Variants in MRPL34 observed in about 807,000 individuals in gnomAD.
MRPL34 encodes large ribosomal subunit protein bL34m.
In MRPL34, 8 loss-of-function variants were observed where a neutral mutation model predicts 6.7. The observed-to-expected ratio is 1.20, with a 90% CI of 0.70 to 2.16. The LOEUF is 2.16. Ranked by LOEUF, MRPL34 falls within the 30% of genes most tolerant of loss-of-function variation. The pLI is 0.00. For missense variants in MRPL34, 146 were observed against 125.5 expected, an observed-to-expected ratio of 1.16 and a Z score of -0.78; for synonymous variants, 59 against 55.1, an observed-to-expected ratio of 1.07 and a Z score of -0.31.
intron 1 of MRPL34, among the ~76,000 whole-genome samples, chr19:17,294,049 C>A (rs2074082336): frequency 6.6e-6 from 1 of 152,128 alleles, no homozygotes; most frequent in Non-Finnish European, 1.5e-5. Context: ...TAATTGCTAA[C>A]ACCTGTCCAG....
At chr19:17,293,510 T>A (rs1417070112) in intron 1 of MRPL34, among the ~76,000 whole-genome samples, 1 of 151,776 alleles carries the variant, frequency 6.6e-6, no homozygotes, top group African/African-American at 2.4e-5. Context: ...GGGGCTGCTA[T>A]CCTGTGCATT....
rs377747440 is a variant in MRPL34 at position 17,305,879 on chromosome 19, G to A, written c.-14G>A. Reference sequence around the variant, plus strand: ...GAATCGCCCGCAGCCGGTACTGCGGGACCCACTGCGGATATGGCTGTCTTG... The same window carrying A: ...GAATCGCCCGCAGCCGGTACTGCGGAACCCACTGCGGATATGGCTGTCTTG... On this transcript the variant is annotated 5_prime_UTR_variant, in exon 1 of 2. Transcript: ENST00000252602. 1.1e-5 allele frequency: 17 copies of A among 1,613,894 alleles called. No individual in the cohort carries two copies. Among genetic ancestry groups the A allele is most frequent in the East Asian group, 6.7e-5 (3 of 44,864 alleles).
chr19:17,299,338 A>G (rs369202388), upstream of MRPL34, among the ~76,000 whole-genome samples: 5 of 150,628 alleles, frequency 3.3e-5, no homozygotes, highest in East Asian at 3.9e-4. Flanking sequence ...GAGGAGGGCG[A>G]ATCACGAGGT....
upstream of MRPL34, chr19:17,305,764 G>GT (rs1474407515): frequency 2.9e-5 from 28 of 953,612 alleles, no homozygotes; most frequent in Non-Finnish European, 4.2e-5. Flanking sequence ...CAACTTCAGG[G>GT]TTTTCCCCAA....
exon 1 of MRPL34, chr19:17,292,814 G>C (rs2074077085): frequency 6.2e-7 from 1 of 1,612,740 alleles, no homozygotes; most frequent in Non-Finnish European, 8.5e-7. Context: ...TGAGCTTCAG[G>C]AATGCCAGGA....
chr19:17,299,081 T>C (rs560820079), upstream of MRPL34, among the ~76,000 whole-genome samples: 54 of 152,198 alleles, frequency 3.5e-4, no homozygotes, highest in Non-Finnish European at 7.2e-4. Context: ...ACAATATCAG[T>C]GATGACGGAA....
At position 17,305,892 on chromosome 19, in the gene MRPL34, T is replaced by A. The variant is rs145315694; in HGVS notation, c.-1T>A. 1 of 1,614,014 alleles carries A rather than the reference T, an allele frequency of 6.2e-7. No homozygotes were observed. Among genetic ancestry groups the A allele is most frequent in the East Asian group, 2.2e-5 (1 of 44,874 alleles). ...CCGGTACTGCGGGACCCACTGCGGA[T>A]ATGGCTGTCTTGGCTGGATCCCTGT... On this transcript the variant is annotated 5_prime_UTR_variant, in exon 1 of 2. Transcript: ENST00000252602.
At chr19:17,304,192 T>C (rs2074135441), upstream of MRPL34, among the ~76,000 whole-genome samples, 1 of 152,154 alleles carries the variant, frequency 6.6e-6, no homozygotes, top group South Asian at 2.1e-4. Flanking sequence ...GCTGCCATGG[T>C]TCTGAGAAGG....
chr19:17,300,790 T>C, upstream of MRPL34: 2 of 1,508,924 alleles, frequency 1.3e-6, no homozygotes. Context: ...AAACTCAGTA[T>C]TTTGTGACTG....
In MRPL34 at chr19:17,294,616, G is replaced by A. The variant is rs2074085455; in HGVS notation, c.214+1762G>A. 6 of 1,607,178 alleles carry A rather than the reference G, an allele frequency of 3.7e-6. No homozygotes were observed. In the East Asian group the frequency reaches 8.9e-5, roughly 24 times the overall value. ...TACAGTCCCCCCTCCCATCCAACTC[G>A]AGCAGATGCCTGGGTTCGCCAGGGC... On this transcript the variant is annotated intron_variant, in intron 1 of 2. Coordinates refer to the MRPL34 transcript ENST00000595444.
rs2074149499 is a variant in MRPL34, at chr19:17,306,468, G to A, written c.*89G>A. The A allele has an allele frequency of 1.6e-6, 2 of 1,240,584 alleles. No homozygotes were observed. Among genetic ancestry groups the A allele is most frequent in the African/African-American group, 3.0e-5 (2 of 65,732 alleles). 76.8% of individuals were successfully genotyped at this position (1,240,584 alleles called of 1,614,324 possible). On this transcript the variant is annotated 3_prime_UTR_variant, in exon 2 of 2. Transcript: ENST00000252602. Reference sequence around the variant, plus strand: ...CGCTATTTTTGCAGGGAGCTGGGGAGCAGGAACGCCTCGGACCTGAGTGCT... The same window carrying A: ...CGCTATTTTTGCAGGGAGCTGGGGAACAGGAACGCCTCGGACCTGAGTGCT...
upstream of MRPL34, chr19:17,301,569 C>T (rs771916946): frequency 9.4e-6 from 15 of 1,595,050 alleles, no homozygotes; most frequent in South Asian, 4.5e-5. Context: ...CGTTGGGGGG[C>T]GTGCCCAGCA....
At chr19:17,304,345 C>T (rs2074136185), upstream of MRPL34, among the ~76,000 whole-genome samples, 1 of 152,206 alleles carries the variant, frequency 6.6e-6, no homozygotes, top group Non-Finnish European at 1.5e-5. Flanking sequence ...TCCTGAGCCT[C>T]CGTTTATTTC....
At position 17,306,438 on chromosome 19, in the gene MRPL34, C is replaced by A; in HGVS notation, c.*59C>A. 1.4e-6 allele frequency: 2 copies of A among 1,445,944 alleles called. No individual in the cohort carries two copies. The highest frequency in any genetic ancestry group is 1.4e-5 in the South Asian group (1 of 73,188). 89.6% of individuals were successfully genotyped at this position (1,445,944 alleles called of 1,614,324 possible). On this transcript the variant is annotated 3_prime_UTR_variant, in exon 2 of 2. Transcript: ENST00000252602. Reference sequence around the variant, plus strand: ...AGCATCGCCCTCGCCTCGGACCTTGCCTGGCGCTATTTTTGCAGGGAGCTG... The same window carrying A: ...AGCATCGCCCTCGCCTCGGACCTTGACTGGCGCTATTTTTGCAGGGAGCTG...
rs1192392709 is a variant in MRPL34 at position 17,306,167 on chromosome 19, T to A, written c.67T>A (p.Trp23Arg). 1.3e-6 allele frequency: 2 copies of A among 1,522,088 alleles called. No homozygotes were observed. Among genetic ancestry groups the A allele is most frequent in the South Asian group, 1.2e-5 (1 of 80,820 alleles). The allele number at this position is 1,522,088 out of a possible 1,614,324, so 94.3% of individuals were successfully genotyped here. The change falls in exon 2 of 2, where the codon TGG (tryptophan) becomes AGG (arginine). Residue 23 changes from tryptophan to arginine, a missense_variant and splice_region_variant. Coordinates refer to ENST00000252602, the MANE Select transcript of MRPL34 (RefSeq NM_023937.4). ...SRSAALLGGRWLQPRAWLGFP... is the reference protein window; with the variant it reads ...SRSAALLGGRRLQPRAWLGFP... ...CTCGCCGTCCCTCTACCCACGCAGG[T>A]GGCTCCAGCCCCGGGCCTGGCTGGG... is the stretch of plus-strand genomic sequence containing the variant.
At chr19:17,301,396 C>T (rs776950825), upstream of MRPL34, 1 of 1,611,780 alleles carries the variant, frequency 6.2e-7, no homozygotes, top group Non-Finnish European at 8.5e-7. Flanking sequence ...GCGGACCAAG[C>T]CGGAGAGGTC....
At chr19:17,301,810 T>TGTGTGTG (rs1555721124), upstream of MRPL34, among the ~76,000 whole-genome samples, 7 of 119,514 alleles carry the variant, frequency 5.9e-5, no homozygotes, top group African/African-American at 2.7e-4. Context: ...GTGTGTGTGT[T>TGTGTGTG]TTTGAGACAG....
At chr19:17,305,268 A>C (rs1174402379), upstream of MRPL34, among the ~76,000 whole-genome samples, 1 of 138,380 alleles carries the variant, frequency 7.2e-6, no homozygotes, top group African/African-American at 2.7e-5. Context: ...TTTTGGTTCT[A>C]ACAACAGAGG....
At chr19:17,301,810 T>G (rs200570893), upstream of MRPL34, among the ~76,000 whole-genome samples, 8 of 119,516 alleles carry the variant, frequency 6.7e-5, no homozygotes, top group East Asian at 2.2e-4. Flanking sequence ...GTGTGTGTGT[T>G]TTTGAGACAG....
Sources: gnomAD v4.1 joint callset for allele counts (sites outside exome capture counted in the v4.1 genomes callset) on GRCh38, gnomAD v4.1.1 for gene constraint, MANE v1.5 for transcripts, NCBI Gene and HGNC (gene_info 2026-07-23, HGNC 2026-07-21) for gene names.